RPS6KA1: variants seen among roughly 807,000 people sequenced by gnomAD.
RPS6KA1 encodes ribosomal protein S6 kinase alpha-1.
In RPS6KA1, 48 loss-of-function variants were observed where a neutral mutation model predicts 91.3. The observed-to-expected ratio is 0.53, with a 90% confidence interval of 0.42 to 0.67. The LOEUF (loss-of-function observed/expected upper bound fraction) is 0.67, where lower values mean the gene tolerates loss of function less well. Ranked by LOEUF, RPS6KA1 falls within the 30% of genes least tolerant of loss-of-function variation. The pLI, the probability that RPS6KA1 is intolerant of heterozygous loss-of-function variation, is 0.00. For missense variants in RPS6KA1, 719 were observed against 960.5 expected (o/e 0.75, Z 3.32); for synonymous variants, 359 against 384.7 (o/e 0.93, Z 0.78).
intron 2 of RPS6KA1, chr1:26,543,251 G>T (rs1557492989): frequency 1.4e-6 from 2 of 1,480,942 alleles, no homozygotes; most frequent in South Asian, 2.4e-5. Context: ...GCCTCCAGCG[G>T]TGTCTGTCAC....
At position 26,550,156 on chromosome 1, in the gene RPS6KA1, G is replaced by A. The variant is rs569285646; in HGVS notation, c.308-1241G>A. 4.2e-3 allele frequency among the ~76,000 whole-genome samples: 640 copies of A among 150,892 alleles called. 5 individuals carry two copies. The highest frequency in any genetic ancestry group is 0.015 in the African/African-American group (613 of 41,062). On this transcript the variant is annotated intron_variant, in intron 4 of 21. Coordinates refer to ENST00000374168, the MANE Select transcript of RPS6KA1 (RefSeq NM_002953.4). ...AGCCTCCCAAAGTGCTAGTATTACA[G>A]GCATGAGCCACCACGCCTGGCCAAT...
At chr1:26,546,488 A>G (rs1225691108) in intron 2 of RPS6KA1, among the ~76,000 whole-genome samples, 1 of 152,128 alleles carries the variant, frequency 6.6e-6, no homozygotes, top group Non-Finnish European at 1.5e-5. Context: ...ACCTCCCCAT[A>G]TGAGAACAAG....
chr1:26,550,860 T>C (rs1029145281), intron 4 of RPS6KA1, among the ~76,000 whole-genome samples: 4 of 152,082 alleles, frequency 2.6e-5, no homozygotes, highest in Non-Finnish European at 5.9e-5. Context: ...ACTTGTATTA[T>C]TTAAAAAAAT....
rs753566435 is a variant in RPS6KA1 at position 26,551,707 on chromosome 1, C to A, written c.452C>A (p.Thr151Asn). 3.7e-6 allele frequency: 6 copies of A among 1,614,114 alleles called. No homozygotes were observed. The highest frequency in any genetic ancestry group is 1.3e-5 in the African/African-American group (1 of 75,052). ...TTCCTGCGTGGTGGGGACCTCTTCA[C>A]CCGGCTCTCAAAAGAGGTGAGCTGA... ...LDFLRGGDLF[T>N]RLSKEVMFTE... is the part of the protein sequence containing the mutation. Residue 151 changes from threonine (T) to asparagine (N), a missense_variant, in exon 6 of 22, where the codon ACC becomes AAC. This residue lies in a region of RPS6KA1 where 159 missense variants were observed against 264.5 expected (regional missense o/e 0.60). Transcript: ENST00000374168. This position sits in a 1 kb window ranked among gnomAD's most constrained non-coding sequence, Gnocchi z 4.5.
chr1:26,545,712 G>A (rs2075988426), intron 2 of RPS6KA1: 1 of 779,784 alleles, frequency 1.3e-6, no homozygotes, highest in African/African-American at 1.8e-5. Context: ...GAGAGGGGGA[G>A]AGAGAGGAAG....
At chr1:26,565,543 T>TTTTTCTTTTCCTTTCTTTTC (rs111881237) in intron 17 of RPS6KA1, among the ~76,000 whole-genome samples, 3 of 148,028 alleles carry the variant, frequency 2.0e-5, no homozygotes, top group Non-Finnish European at 4.4e-5. Flanking sequence ...TGAATTTATT[T>TTTTTCTTTTCCTTTCTTTTC]TTTTCTTTTC....
chr1:26,545,695 C>A, intron 2 of RPS6KA1: 2 of 697,424 alleles, frequency 2.9e-6, no homozygotes, highest in Non-Finnish European at 2.2e-6. Context: ...AGCCCTCAGG[C>A]TCTGAGGAGA....
intron 6 of RPS6KA1, chr1:26,552,999 C>T: frequency 3.6e-6 from 1 of 278,352 alleles, no homozygotes; most frequent in Non-Finnish European, 7.2e-6. Flanking sequence ...GTAAAAAGTA[C>T]TATTCTGTAT....
intron 17 of RPS6KA1, among the ~76,000 whole-genome samples, chr1:26,570,891 G>A (rs2076243321): frequency 6.6e-6 from 1 of 152,342 alleles, no homozygotes; most frequent in South Asian, 2.1e-4. Context: ...GGGAGGCCGA[G>A]GCAGGCAGAT....
intron 2 of RPS6KA1, 68 bp from the exon 3 acceptor site, chr1:26,546,799 T>C (rs2075998429): frequency 8.1e-7 from 1 of 1,228,998 alleles, no homozygotes; most frequent in Non-Finnish European, 1.2e-6. Context: ...GGGAATGGAC[T>C]TGGGCAGGGG....
In RPS6KA1 at chr1:26,555,751, C is replaced by T. The variant is rs118132023; in HGVS notation, c.916+126C>T. The T allele has an allele frequency of 4.6e-4, 412 of 901,734 alleles. 4 individuals are homozygous for T. In the East Asian group the frequency reaches 0.01, roughly 23 times the overall value. The allele number at this position is 901,734 out of a possible 1,614,324, so 55.9% of individuals were successfully genotyped here. ...TCCTTTGTGTGGGCAGACAATGCCGCGGGCCACCCTGCTTTCTGGCTCCAT... is the reference window on the plus strand; with the variant it reads ...TCCTTTGTGTGGGCAGACAATGCCGTGGGCCACCCTGCTTTCTGGCTCCAT... On this transcript the variant is annotated intron_variant, in intron 11 of 21. Coordinates refer to ENST00000374168, the MANE Select transcript of RPS6KA1 (RefSeq NM_002953.4). The surrounding 1 kb of genome is among the most constrained non-coding windows in gnomAD (Gnocchi z 4.3).
intron 1 of RPS6KA1, among the ~76,000 whole-genome samples, chr1:26,536,086 G>A (rs2075904052): frequency 1.3e-5 from 2 of 151,366 alleles, no homozygotes; most frequent in Admixed American, 6.6e-5. Context: ...CCTGGGAGGC[G>A]GAGGTTGCAG....
chr1:26,567,535 C>G (rs2124667257), intron 17 of RPS6KA1, among the ~76,000 whole-genome samples: 1 of 152,298 alleles, frequency 6.6e-6, no homozygotes, highest in Non-Finnish European at 1.5e-5. Flanking sequence ...TGCATGCCAC[C>G]ACGCCCGGCT....
rs2076277650 is a variant in RPS6KA1, at chr1:26,574,311, G to A, written c.*110G>A. The stretch of plus-strand genomic sequence containing the variant: ...GCCAGAGGGAGCTGGAACCCGAGGG[G>A]CCGGGGAAGCTGCCAGCCCAGAACA... On this transcript the variant is annotated 3_prime_UTR_variant, in exon 22 of 22. Coordinates refer to ENST00000374168, the MANE Select transcript of RPS6KA1 (RefSeq NM_002953.4). The surrounding 1 kb of genome is among the most constrained non-coding windows in gnomAD (Gnocchi z 4.3). The A allele has an allele frequency of 5.7e-6, 8 of 1,406,278 alleles. No individual in the cohort carries two copies. The Admixed American group carries it at 1.2e-4, about 21-fold the overall frequency. 87.1% of individuals were successfully genotyped at this position (1,406,278 alleles called of 1,614,324 possible). A position where few individuals can be genotyped will look rare whatever the true frequency, so the allele number is the denominator to read the frequency against.
Position 26,537,078 on chromosome 1 carries a change from C to T in RPS6KA1, c.108+109C>T, listed in dbSNP as rs138623904. 305 of 1,193,746 alleles carry T rather than the reference C, an allele frequency of 2.6e-4. 2 individuals are homozygous for T. In the African/African-American group the frequency reaches 3.9e-3, roughly 15 times the overall value. The allele number at this position is 1,193,746 out of a possible 1,614,324, so 73.9% of individuals were successfully genotyped here. On this transcript the variant is annotated intron_variant, in intron 2 of 21. Transcript: ENST00000374168. ...CTCTAGCCCCTTTGCCCAACTCAGCCGTCCTTCTCAGGGCCCACCGAATCC... is the reference window on the plus strand; with the variant it reads ...CTCTAGCCCCTTTGCCCAACTCAGCTGTCCTTCTCAGGGCCCACCGAATCC...
At position 26,561,707 on chromosome 1, in the gene RPS6KA1, A is replaced by C; in HGVS notation, c.1590+44A>C. ...AGGCAGTAGGGGGATGCCAAGGGTCATATCATCAGCAGAGAACATGAACCA... is the reference window on the plus strand; with the variant it reads ...AGGCAGTAGGGGGATGCCAAGGGTCCTATCATCAGCAGAGAACATGAACCA... On this transcript the variant is annotated intron_variant, in intron 17 of 21. Coordinates refer to ENST00000374168, the MANE Select transcript of RPS6KA1 (RefSeq NM_002953.4). This position sits in a 1 kb window ranked among gnomAD's most constrained non-coding sequence, Gnocchi z 5.7. 6.5e-7 allele frequency: 1 copy of C among 1,548,544 alleles called. No homozygotes were observed. The highest frequency in any genetic ancestry group is 8.7e-7 in the Non-Finnish European group (1 of 1,143,600).
intron 2 of RPS6KA1, among the ~76,000 whole-genome samples, chr1:26,541,797 A>G (rs1388554562): frequency 6.6e-6 from 1 of 152,120 alleles, no homozygotes; most frequent in Non-Finnish European, 1.5e-5. Context: ...CCAGCTGGGG[A>G]AGGGGCTTTT....
rs1197852280 is a variant in RPS6KA1, at chr1:26,552,386, C to CAAA, written c.468+684_468+686dup. Among the ~76,000 whole-genome samples, 110 of 54,872 alleles carry CAAA rather than the reference C, an allele frequency of 2.0e-3. 2 individuals are homozygous for CAAA. The highest frequency in any genetic ancestry group is 6.8e-3 in the African/African-American group (85 of 12,520). 36.0% of individuals were successfully genotyped at this position (54,872 alleles called of 152,430 possible). On this transcript the variant is annotated intron_variant, in intron 6 of 21. Coordinates refer to ENST00000374168, the MANE Select transcript of RPS6KA1 (RefSeq NM_002953.4). ...TTGGCAACAGAGCGAGACTCTGTCT[C>CAAA]AAAAAAAAAAAAAAAAAAAAAAAGG...
intron 2 of RPS6KA1, among the ~76,000 whole-genome samples, chr1:26,544,529 C>T (rs937176708): frequency 3.8e-4 from 57 of 150,366 alleles, no homozygotes; most frequent in African/African-American, 1.3e-3. Flanking sequence ...GGCTGGAGTG[C>T]GGTGGTGCGA....
Sources: allele counts gnomAD v4.1 joint callset (sites outside exome capture counted in the v4.1 genomes callset), GRCh38; gene constraint gnomAD v4.1.1; regional missense constraint gnomAD v4.1.1; non-coding constraint Gnocchi (gnomAD v3.1); transcripts MANE v1.5; gene names NCBI Gene and HGNC (gene_info 2026-07-23, HGNC 2026-07-21).